The following DDX21 variants were observed in gnomAD, a reference collection of about 807,000 sequenced individuals.
DDX21 encodes the protein DExD-box helicase 21.
DDX21 carries 18 observed loss-of-function variants against 90.0 expected under a neutral mutation model. The ratio of observed to expected loss-of-function variants is 0.20; its 90% confidence interval spans 0.14 to 0.30. The LOEUF is 0.30. DDX21 is among the 10% of genes least tolerant of loss of function. DDX21 has a pLI of 1.00. For synonymous variants in DDX21, 294 were observed against 318.0 expected, an observed-to-expected ratio of 0.92 and a Z score of 0.80; for missense variants, 673 against 944.5, an observed-to-expected ratio of 0.71 and a Z score of 3.77.
chr10:68,976,935 A>T (rs1843109891), intron 11 of DDX21, among the ~76,000 whole-genome samples: 1 of 151,384 alleles, frequency 6.6e-6, no homozygotes, highest in African/African-American at 2.4e-5. Flanking sequence ...TCTTTTTCTT[A>T]TTTCTTTTAT....
intron 12 of DDX21, 67 bp downstream of exon 12, chr10:68,977,755 C>A (rs951499258): frequency 1.4e-6 from 2 of 1,433,948 alleles, no homozygotes; most frequent in Non-Finnish European, 9.4e-7. Context: ...GAAAGGGTTT[C>A]ATTTAAGCTT....
intron 4 of DDX21, chr10:68,964,101 G>GAAA (rs750726882): frequency 9.1e-3 from 2,158 of 236,356 alleles, no homozygotes; most frequent in South Asian, 0.013. Context: ...TCCGTCTCAA[G>GAAA]AAAAAAAAAA....
intron 2 of DDX21, among the ~76,000 whole-genome samples, chr10:68,961,317 A>G (rs1255735392): frequency 6.6e-6 from 1 of 152,244 alleles, no homozygotes; most frequent in African/African-American, 2.4e-5. Context: ...TATAAAAAAT[A>G]TGTGATCCAG....
rs962780137 is a variant in DDX21 at position 68,984,715 on chromosome 10, A to G, written c.*1903A>G. 1 of 152,230 alleles carries G rather than the reference A, an allele frequency of 6.6e-6. No individual in the cohort carries two copies. The highest frequency in any genetic ancestry group is 3.2e-3 in the Middle Eastern group (1 of 316). The allele number at this position is 152,230 out of a possible 1,614,324, so 9.4% of individuals were successfully genotyped here. ...TGGATTATGGATTTAGCCTAAAGAA[A>G]AATAATCTGGCATAAATTAAGAGTA... On this transcript the variant is annotated 3_prime_UTR_variant, in exon 15 of 15. Coordinates refer to ENST00000354185, the MANE Select transcript of DDX21 (RefSeq NM_004728.4).
chr10:68,976,508 C>T (rs745552380), intron 11 of DDX21, among the ~76,000 whole-genome samples: 68 of 152,136 alleles, frequency 4.5e-4, no homozygotes, highest in Non-Finnish European at 8.8e-4. Flanking sequence ...AGGATGGTCT[C>T]AATCTCCTGA....
chr10:68,975,703 T>C (rs12783453), intron 11 of DDX21, among the ~76,000 whole-genome samples: 17,854 of 151,858 alleles, frequency 0.12, 1,330 homozygotes, highest in Admixed American at 0.18. Flanking sequence ...TTTGGGAGGC[T>C]GGGGTAGGCG....
intron 11 of DDX21, among the ~76,000 whole-genome samples, chr10:68,976,085 G>A (rs903794020): frequency 6.6e-6 from 1 of 151,026 alleles, no homozygotes; most frequent in African/African-American, 2.4e-5. Flanking sequence ...ACAAAAATTA[G>A]ATGTGGTAGC....
At chr10:68,962,198 A>G in intron 3 of DDX21, 41 bp downstream of exon 3, 1 of 1,433,876 alleles carries the variant, frequency 7.0e-7, no homozygotes, top group South Asian at 1.2e-5. Flanking sequence ...AGAACGTATT[A>G]TTTTAACAGA....
At chr10:68,976,265 G>A (rs1194264561) in intron 11 of DDX21, among the ~76,000 whole-genome samples, 2 of 151,070 alleles carry the variant, frequency 1.3e-5, no homozygotes, top group East Asian at 1.9e-4. Flanking sequence ...AGAAGACAGG[G>A]AAGGGAGGAA....
intron 9 of DDX21, among the ~76,000 whole-genome samples, chr10:68,972,941 T>C (rs1178553386): frequency 6.6e-6 from 1 of 152,176 alleles, no homozygotes; most frequent in Non-Finnish European, 1.5e-5. Flanking sequence ...TCCCAGCACC[T>C]TGGGCGGCTG....
At chr10:68,964,344 C>T (rs1842911726) in intron 4 of DDX21, among the ~76,000 whole-genome samples, 2 of 152,114 alleles carry the variant, frequency 1.3e-5, no homozygotes, top group Non-Finnish European at 2.9e-5. Flanking sequence ...TCCATGCTCC[C>T]CCTTTGTTAA....
rs1310730262 is a variant in DDX21, at chr10:68,962,124, C to T, written c.574C>T (p.Pro192Ser). Residue 192 changes from proline (P) to serine (S), a missense_variant, in exon 3 of 15, where the codon CCC (proline) becomes TCC (serine). Pro to Ser is a moderately conservative substitution (Grantham distance 74, BLOSUM62 -1). This residue lies in a region of DDX21 where 204 missense variants were observed against 221.6 expected (regional missense o/e 0.92). Transcript: ENST00000354185. Reference sequence around the variant, plus strand: ...AAAAGAAGGCGCTTTCTCTAATTTTCCCATATCTGAAGAAACTATTAAACT... The same window carrying T: ...AAAAGAAGGCGCTTTCTCTAATTTTTCCATATCTGAAGAAACTATTAAACT... Reference protein sequence around the residue: ...EQKEGAFSNFPISEETIKLLK... With the variant: ...EQKEGAFSNFSISEETIKLLK... 1.1e-5 allele frequency: 17 copies of T among 1,612,346 alleles called. No individual in the cohort carries two copies. Among genetic ancestry groups the T allele is most frequent in the Non-Finnish European group, 1.4e-5 (17 of 1,178,934 alleles).
At chr10:68,964,194 G>C (rs2132082342) in intron 4 of DDX21, 1 of 370,630 alleles carries the variant, frequency 2.7e-6, no homozygotes, top group South Asian at 2.0e-5. Context: ...GAGTCCATTG[G>C]GTTCATTTCT....
At chr10:68,960,355 T>A in intron 2 of DDX21, 106 bp downstream of exon 2, 1 of 1,170,506 alleles carries the variant, frequency 8.5e-7, no homozygotes, top group Non-Finnish European at 1.2e-6. Flanking sequence ...AAATGTGATG[T>A]GTCAGCACCT....
chr10:68,956,731 G>A (rs1234647751), intron 1 of DDX21: 1 of 1,026,304 alleles, frequency 9.7e-7, no homozygotes, highest in African/African-American at 1.7e-5. Context: ...CGCGAAGGAA[G>A]TTACACGTCA....
intron 6 of DDX21, among the ~76,000 whole-genome samples, chr10:68,968,706 C>T (rs941647866): frequency 2.6e-5 from 4 of 152,132 alleles, no homozygotes; most frequent in Admixed American, 6.6e-5. Context: ...GAATAGATTT[C>T]GTTTGTAATT....
chr10:68,958,469 C>T (rs1054891229), intron 1 of DDX21, among the ~76,000 whole-genome samples: 12 of 151,716 alleles, frequency 7.9e-5, no homozygotes, highest in African/African-American at 2.9e-4. Context: ...GACAGTCTTG[C>T]TGTGTCGCCC....
In DDX21 at chr10:68,956,405, C is replaced by G. The variant is rs1842794576; in HGVS notation, c.87+93C>G. On this transcript the variant is annotated intron_variant, in intron 1 of 14. Transcript: ENST00000354185. ...TGCCCGGGCTGGGATCGTGGGAGCG[C>G]GCGGCGGATAACAGCGCGTCCAGAC... is the stretch of plus-strand genomic sequence containing the variant. 1.9e-6 allele frequency: 3 copies of G among 1,566,474 alleles called. No individual in the cohort carries two copies. The East Asian group carries it at 7.0e-5, about 36-fold the overall frequency.
Position 68,971,033 on chromosome 10 carries a change from C to T in DDX21, c.1386+683C>T, listed in dbSNP as rs142021623. On this transcript the variant is annotated intron_variant, in intron 8 of 14. Transcript: ENST00000354185. Reference sequence around the variant, plus strand: ...CCCAGGCTGAAGTGAAGTGCATTGGCGTGGTCTCGGATCACTGTAGCCTCA... The same window carrying T: ...CCCAGGCTGAAGTGAAGTGCATTGGTGTGGTCTCGGATCACTGTAGCCTCA... Among the ~76,000 whole-genome samples, 8 of 127,902 alleles carry T rather than the reference C, an allele frequency of 6.3e-5. No individual in the cohort carries two copies. The East Asian group carries it at 1.8e-3, about 29-fold the overall frequency. 83.9% of individuals were successfully genotyped at this position (127,902 alleles called of 152,430 possible).
Sources: allele counts gnomAD v4.1 joint callset (sites outside exome capture counted in the v4.1 genomes callset), GRCh38; gene constraint gnomAD v4.1.1; regional missense constraint gnomAD v4.1.1; transcripts MANE v1.5; gene names NCBI Gene and HGNC (gene_info 2026-07-23, HGNC 2026-07-21).